The following CLMN variants were observed in gnomAD, a reference collection of about 807,000 sequenced individuals.
CLMN encodes the protein calmin (calponin-like, transmembrane).
A neutral mutation model predicts 92.7 loss-of-function variants in CLMN; 57 were observed. The ratio of observed to expected loss-of-function variants is 0.61; its 90% CI spans 0.50 to 0.77. The LOEUF (loss-of-function observed/expected upper bound fraction) is 0.77. Ranked by LOEUF, CLMN falls within the 30% of genes least tolerant of loss-of-function variation. The pLI, the probability that CLMN is intolerant of heterozygous loss-of-function variation, is 0.00. For synonymous variants in CLMN, 466 were observed against 470.6 expected, an observed-to-expected ratio of 0.99 and a Z score of 0.13; for missense variants, 1,158 against 1,237.5, an observed-to-expected ratio of 0.94 and a Z score of 0.96.
chr14:95,265,467 C>T (rs899919734), intron 1 of CLMN, among the ~76,000 whole-genome samples: 1 of 152,204 alleles, frequency 6.6e-6, no homozygotes, highest in Non-Finnish European at 1.5e-5. Flanking sequence ...TCCACAATTG[C>T]ATAAACCAAT....
At chr14:95,237,716 G>A (rs1208151785) in intron 1 of CLMN, among the ~76,000 whole-genome samples, 3 of 152,192 alleles carry the variant, frequency 2.0e-5, no homozygotes, top group Admixed American at 2.0e-4. Flanking sequence ...CCCCATGGGT[G>A]GCAGGCTCTG....
At chr14:95,213,103 A>G (rs550409204) in intron 6 of CLMN, 116 bp downstream of exon 6, 1,287 of 1,141,628 alleles carry the variant, frequency 1.1e-3, no homozygotes, top group Non-Finnish European at 1.5e-3. Context: ...CTGATATTCT[A>G]TATGAAGCAA....
intron 1 of CLMN, among the ~76,000 whole-genome samples, chr14:95,268,043 A>C (rs953589091): frequency 3.3e-5 from 5 of 152,182 alleles, no homozygotes; most frequent in African/African-American, 9.7e-5. Context: ...GATGAAGAGA[A>C]GTTGATTAAT....
intron 1 of CLMN, among the ~76,000 whole-genome samples, chr14:95,286,463 C>G (rs1900345714): frequency 6.6e-6 from 1 of 152,078 alleles, no homozygotes; most frequent in Non-Finnish European, 1.5e-5. Context: ...TTAGTGGTTT[C>G]CAGGAGATAG....
At chr14:95,202,298 G>A (rs577408151) in intron 9 of CLMN, among the ~76,000 whole-genome samples, 3 of 152,296 alleles carry the variant, frequency 2.0e-5, no homozygotes, top group African/African-American at 7.2e-5. Flanking sequence ...GAATCTCATT[G>A]TGGTTTTGAT....
rs980563112 is a variant in CLMN at position 95,186,588 on chromosome 14, C to T, written c.*4976G>A. 1 of 152,238 alleles carries T rather than the reference C, an allele frequency of 6.6e-6. No homozygotes were observed. Among genetic ancestry groups the T allele is most frequent in the Non-Finnish European group, 1.5e-5 (1 of 68,056 alleles). 9.4% of individuals were successfully genotyped at this position (152,238 alleles called of 1,614,324 possible). ...ACTACTTGTTTCTTTATTTTTGAGA[C>T]AGCGTCTCGCTCTGTCACTCAGGTG... is the stretch of plus-strand genomic sequence containing the variant. On this transcript the variant is annotated 3_prime_UTR_variant, in exon 13 of 13. Coordinates refer to ENST00000298912, the MANE Select transcript of CLMN (RefSeq NM_024734.4).
At chr14:95,250,461 C>T (rs1160726771) in intron 1 of CLMN, among the ~76,000 whole-genome samples, 1 of 152,230 alleles carries the variant, frequency 6.6e-6, no homozygotes, top group Admixed American at 6.5e-5. Context: ...CAAAACTCTT[C>T]CAACTCCATT....
intron 1 of CLMN, among the ~76,000 whole-genome samples, chr14:95,317,737 G>T (rs1901854973): frequency 6.6e-6 from 1 of 152,198 alleles, no homozygotes; most frequent in Non-Finnish European, 1.5e-5. Flanking sequence ...TGAGAAAGAA[G>T]ATGAATCGAC....
intron 1 of CLMN, among the ~76,000 whole-genome samples, chr14:95,319,303 T>TCA (rs60670197): frequency 0.047 from 6,707 of 144,122 alleles, 159 homozygotes; most frequent in Middle Eastern, 0.077. Context: ...GTGCGCGAAC[T>TCA]CACACACACA....
chr14:95,260,105 C>T (rs1156529423), intron 1 of CLMN, among the ~76,000 whole-genome samples: 1 of 152,172 alleles, frequency 6.6e-6, no homozygotes, highest in Non-Finnish European at 1.5e-5. Context: ...GTAAGCATAT[C>T]ATTCATTCAT....
chr14:95,217,536 G>T (rs11160234), intron 4 of CLMN, among the ~76,000 whole-genome samples: 1 of 152,130 alleles, frequency 6.6e-6, no homozygotes, highest in South Asian at 2.1e-4. Context: ...ACAGTTGATC[G>T]GATTCAGGTT....
intron 2 of CLMN, among the ~76,000 whole-genome samples, chr14:95,225,095 G>C (rs1395426738): frequency 6.6e-6 from 1 of 150,720 alleles, no homozygotes; most frequent in African/African-American, 2.5e-5. Context: ...GTATTTATAT[G>C]TTTAGGTACA....
chr14:95,234,981 G>C (rs1337594680), intron 1 of CLMN, among the ~76,000 whole-genome samples: 3 of 152,168 alleles, frequency 2.0e-5, no homozygotes. Context: ...CCAGGAGAAA[G>C]TCTTCATGGC....
chr14:95,276,324 T>G (rs899984207), intron 1 of CLMN, among the ~76,000 whole-genome samples: 1 of 152,150 alleles, frequency 6.6e-6, no homozygotes, highest in Non-Finnish European at 1.5e-5. Flanking sequence ...AAAAGTGGAT[T>G]TCGTGCCACA....
In CLMN at chr14:95,270,068, A is replaced by G. The variant is rs571848486; in HGVS notation, c.83-39935T>C. 2.6e-5 allele frequency among the ~76,000 whole-genome samples: 4 copies of G among 152,330 alleles called. No individual in the cohort carries two copies. The East Asian group carries it at 7.7e-4, about 29-fold the overall frequency. On this transcript the variant is annotated intron_variant, in intron 1 of 12. Transcript: ENST00000298912. Reference sequence around the variant, plus strand: ...CCTAAGAAGGTAAAATGGCTTGGCCAGGGTCAGACAGCCAGGGAGGGGAAG... The same window carrying G: ...CCTAAGAAGGTAAAATGGCTTGGCCGGGGTCAGACAGCCAGGGAGGGGAAG...
intron 1 of CLMN, among the ~76,000 whole-genome samples, chr14:95,239,605 A>G (rs1331352290): frequency 6.6e-6 from 1 of 152,210 alleles, no homozygotes; most frequent in African/African-American, 2.4e-5. Context: ...TATTCTACAG[A>G]GTATGAGTTC....
chr14:95,269,829 T>C (rs1324199646), intron 1 of CLMN, among the ~76,000 whole-genome samples: 1 of 151,848 alleles, frequency 6.6e-6, no homozygotes, highest in South Asian at 2.1e-4. Context: ...AGGTAAGGGG[T>C]GTGTGTCCTC....
chr14:95,305,177 T>C (rs916411866), intron 1 of CLMN, among the ~76,000 whole-genome samples: 3 of 152,194 alleles, frequency 2.0e-5, no homozygotes, highest in African/African-American at 4.8e-5. Flanking sequence ...TTAGTGCAGC[T>C]CCCAAAGCAG....
intron 1 of CLMN, among the ~76,000 whole-genome samples, chr14:95,253,713 C>T (rs958824538): frequency 6.6e-6 from 1 of 151,504 alleles, no homozygotes; most frequent in African/African-American, 2.4e-5. Context: ...CCCGGGTTCA[C>T]GCCATTCTCC....
Sources: gnomAD v4.1 joint callset for allele counts (sites outside exome capture counted in the v4.1 genomes callset) on GRCh38, gnomAD v4.1.1 for gene constraint, MANE v1.5 for transcripts, NCBI Gene and HGNC (gene_info 2026-07-23, HGNC 2026-07-21) for gene names.